Variants in IDO2 observed in about 807,000 individuals in gnomAD.
IDO2 encodes the protein indoleamine 2,3-dioxygenase 2, also known as indoleamine 2,3-dioxygenase-like 1 protein.
Under a neutral mutation model 45.1 loss-of-function variants are expected in IDO2, and 46 were observed. The observed-to-expected ratio is 1.02, with a 90% CI of 0.80 to 1.30. The LOEUF is 1.30. Among genes scored for constraint, IDO2 ranks in the 50% most tolerant of loss-of-function variants. The pLI, the probability that IDO2 is intolerant of heterozygous loss-of-function variation, is 0.00. For missense variants in IDO2, 544 were observed against 491.8 expected, an observed-to-expected ratio of 1.11 and a Z score of -1.00; for synonymous variants, 218 against 184.9, an observed-to-expected ratio of 1.18 and a Z score of -1.45.
chr8:39,981,051 C>G (rs1475110419), intron 4 of IDO2, among the ~76,000 whole-genome samples: 1 of 142,850 alleles, frequency 7.0e-6, no homozygotes, highest in Non-Finnish European at 1.5e-5. Flanking sequence ...AGCACCCGGC[C>G]AGTGCATTGC....
intron 2 of IDO2, among the ~76,000 whole-genome samples, chr8:39,961,130 G>A (rs908444029): frequency 2.6e-5 from 4 of 152,100 alleles, no homozygotes; most frequent in Non-Finnish European, 4.4e-5. Flanking sequence ...CTCATTGAGC[G>A]TCTGTCACTA....
At chr8:39,983,759 G>A (rs1327197785) in intron 5 of IDO2, among the ~76,000 whole-genome samples, 13 of 152,004 alleles carry the variant, frequency 8.6e-5, no homozygotes, top group South Asian at 2.1e-4. Flanking sequence ...CCAGCTGCTC[G>A]GGAGGCTGAG....
At chr8:39,970,336 G>T (rs140899875) in intron 3 of IDO2, among the ~76,000 whole-genome samples, 10 of 152,322 alleles carry the variant, frequency 6.6e-5, no homozygotes, top group African/African-American at 2.4e-4. Flanking sequence ...TTATCCAGAA[G>T]ATCCAGCTAA....
intron 2 of IDO2, among the ~76,000 whole-genome samples, chr8:39,952,387 T>C (rs1461215020): frequency 6.6e-6 from 1 of 152,218 alleles, no homozygotes; most frequent in Non-Finnish European, 1.5e-5. Flanking sequence ...TAGAAGTTCC[T>C]TCAGTATCTC....
intron 9 of IDO2, among the ~76,000 whole-genome samples, chr8:40,010,626 G>C (rs1802296341): frequency 6.6e-6 from 1 of 152,176 alleles, no homozygotes; most frequent in Non-Finnish European, 1.5e-5. Flanking sequence ...GAAATGGTCA[G>C]ATTCTGGATA....
rs776637601 is a variant in IDO2 at position 39,963,592 on chromosome 8, TC to T, written c.100-15del. On this transcript the variant is annotated splice_polypyrimidine_tract_variant and intron_variant, in intron 2 of 10. Transcript: ENST00000502986. ...GAGAGGTCTAAAATATTTACATGTT[TC>T]TATTTTAAATGCAGAAAGAACTTCC... is the stretch of plus-strand genomic sequence containing the variant. The T allele has an allele frequency of 8.5e-6, 13 of 1,522,498 alleles. No homozygotes were observed. In the South Asian group the frequency reaches 1.5e-4, roughly 18 times the overall value. The allele number at this position is 1,522,498 out of a possible 1,614,324, so 94.3% of individuals were successfully genotyped here.
chr8:39,977,254 T>C (rs1808272114), intron 3 of IDO2, among the ~76,000 whole-genome samples: 1 of 152,164 alleles, frequency 6.6e-6, no homozygotes, highest in Non-Finnish European at 1.5e-5. Flanking sequence ...CAGGCAAAAA[T>C]GCTCAATCTC....
At chr8:39,957,968 C>A (rs778086451) in intron 2 of IDO2, among the ~76,000 whole-genome samples, 6 of 144,888 alleles carry the variant, frequency 4.1e-5, no homozygotes, top group Non-Finnish European at 7.6e-5. Context: ...TGCAGTGGTG[C>A]GATCTCAGCT....
intron 6 of IDO2, 67 bp from the exon 7 acceptor site, chr8:39,987,804 C>A (rs2129594703): frequency 1.1e-6 from 1 of 912,636 alleles, no homozygotes; most frequent in Non-Finnish European, 1.7e-6. Context: ...CGGCAGGGAA[C>A]TCTGGGCAGT....
At chr8:39,969,970 G>A (rs562224066) in intron 3 of IDO2, among the ~76,000 whole-genome samples, 1 of 152,120 alleles carries the variant, frequency 6.6e-6, no homozygotes, top group Non-Finnish European at 1.5e-5. Context: ...GGCCTCTTTT[G>A]CCAAACAGCC....
chr8:39,937,416 T>C lies in IDO2; in HGVS notation c.-18+2198T>C, dbSNP rs76473769. ...TTAAAACTTTATTTAGGTAGATACA[T>C]TTAATAAGTAACTTTTTGTTGGCTT... On this transcript the variant is annotated intron_variant, in intron 1 of 10. Coordinates refer to ENST00000502986, the Ensembl canonical transcript of IDO2. Among the ~76,000 whole-genome samples the C allele has an allele frequency of 8.6e-3, 1,310 of 152,352 alleles. 21 individuals carry two copies. Among genetic ancestry groups the C allele is most frequent in the African/African-American group, 0.03 (1,250 of 41,590 alleles).
chr8:39,983,517 A>G (rs912308174), intron 5 of IDO2, among the ~76,000 whole-genome samples: 1 of 152,186 alleles, frequency 6.6e-6, no homozygotes, highest in Non-Finnish European at 1.5e-5. Context: ...CGATGATGGG[A>G]ATCTACTTAA....
At chr8:39,954,808 A>G (rs767095917) in intron 2 of IDO2, among the ~76,000 whole-genome samples, 3 of 151,718 alleles carry the variant, frequency 2.0e-5, no homozygotes, top group Non-Finnish European at 2.9e-5. Context: ...GGTGCGCACC[A>G]CAAAGCCCAG....
intron 2 of IDO2, among the ~76,000 whole-genome samples, chr8:39,960,115 G>C (rs1166711446): frequency 1.3e-5 from 2 of 151,902 alleles, no homozygotes; most frequent in East Asian, 3.8e-4. Flanking sequence ...GTAATGTATA[G>C]GTCTATACTA....
chr8:40,005,478 A>G (rs886520396), intron 9 of IDO2, 100 bp downstream of exon 9: 9 of 666,358 alleles, frequency 1.4e-5, no homozygotes, highest in African/African-American at 7.1e-5. Flanking sequence ...TAAGAAACAT[A>G]CCAAGTGACT....
chr8:39,963,830 G>T (rs1808037475), intron 3 of IDO2, 127 bp downstream of exon 3: 7 of 573,010 alleles, frequency 1.2e-5, no homozygotes. Flanking sequence ...TATCAGCAAA[G>T]CTATATCTTC....
exon 11 of IDO2, chr8:40,015,489 C>T (rs756383360): frequency 1.2e-6 from 2 of 1,613,992 alleles, no homozygotes; most frequent in East Asian, 4.5e-5. Context: ...AAACCATCTC[C>T]CAGGGCCTCC....
chr8:39,950,603 A>G (rs1054681531), intron 2 of IDO2, among the ~76,000 whole-genome samples: 3 of 152,248 alleles, frequency 2.0e-5, no homozygotes, highest in Admixed American at 6.5e-5. Context: ...ATAGCTGTCC[A>G]GCCACGAGAG....
At chr8:39,987,819 A>G (rs966997866) in intron 6 of IDO2, 52 bp from the exon 7 acceptor site, 1 of 1,057,142 alleles carries the variant, frequency 9.5e-7, no homozygotes, top group South Asian at 1.4e-5. Context: ...GGCAGTGAGT[A>G]CTCACGGTAC....
Sources: gnomAD v4.1 joint callset for allele counts (sites outside exome capture counted in the v4.1 genomes callset) on GRCh38, gnomAD v4.1.1 for gene constraint, MANE v1.5 for transcripts, NCBI Gene and HGNC (gene_info 2026-07-23, HGNC 2026-07-21) for gene names.